C13orf42: variants seen among roughly 807,000 people sequenced by gnomAD.
C13orf42 encodes chromosome 13 open reading frame 42.
intron 1 of C13orf42, among the ~76,000 whole-genome samples, chr13:51,165,618 G>C (rs972386521): frequency 6.6e-6 from 1 of 152,192 alleles, no homozygotes; most frequent in Non-Finnish European, 1.5e-5. Flanking sequence ...CTTCTCCAGA[G>C]GGATGACCAG....
At chr13:51,101,351 G>C (rs1285884040) in intron 1 of C13orf42, among the ~76,000 whole-genome samples, 7 of 152,030 alleles carry the variant, frequency 4.6e-5, no homozygotes, top group Admixed American at 1.3e-4. Flanking sequence ...ATACTTTTCT[G>C]TGTGTTATGA....
At chr13:51,115,581 C>A (rs1953482763), upstream of C13orf42, among the ~76,000 whole-genome samples, 1 of 152,186 alleles carries the variant, frequency 6.6e-6, no homozygotes, top group Non-Finnish European at 1.5e-5. Flanking sequence ...ACCTTGGTCC[C>A]TAATTGCACA....
At chr13:51,162,745 T>C (rs537782463) in intron 1 of C13orf42, among the ~76,000 whole-genome samples, 1 of 152,326 alleles carries the variant, frequency 6.6e-6, no homozygotes, top group African/African-American at 2.4e-5. Flanking sequence ...CGAGGCTCAA[T>C]GCGATATTTG....
At chr13:51,146,994 C>T (rs1394903505) in intron 1 of C13orf42, among the ~76,000 whole-genome samples, 4 of 152,210 alleles carry the variant, frequency 2.6e-5, no homozygotes, top group East Asian at 1.9e-4. Context: ...CACAGTACTT[C>T]CCTAGGCTTC....
At chr13:51,158,287 G>A (rs1317723691) in intron 1 of C13orf42, among the ~76,000 whole-genome samples, 1 of 152,208 alleles carries the variant, frequency 6.6e-6, no homozygotes, top group African/African-American at 2.4e-5. Context: ...CAGAACTCTG[G>A]CTTTGACAAT....
chr13:51,154,638 GTATTGACAT>G (rs1432850963), intron 1 of C13orf42, among the ~76,000 whole-genome samples: 1 of 152,218 alleles, frequency 6.6e-6, no homozygotes, highest in Non-Finnish European at 1.5e-5. Context: ...GAAGCAGCAT[GTATTGACAT>G]TCATGGCTGT....
Position 51,088,057 on chromosome 13 carries a change from A to G in C13orf42, c.433T>C (p.Tyr145His). 1 of 398,804 alleles carries G rather than the reference A, an allele frequency of 2.5e-6. No homozygotes were observed. The highest frequency in any genetic ancestry group is 4.4e-6 in the Non-Finnish European group (1 of 226,180). 24.7% of individuals were successfully genotyped at this position (398,804 alleles called of 1,614,324 possible). The change falls in exon 2 of 4, where the codon TAC becomes CAC. Residue 145 changes from tyrosine to histidine, a missense_variant. Tyr to His is a moderately conservative substitution (Grantham distance 83, BLOSUM62 2). Transcript: ENST00000563710. ...GCCACATCAGCACTGAACTGCGAGT[A>G]TTTCTTTGGGGTTGCTTTCTGCAAG... is the stretch of plus-strand genomic sequence containing the variant. ...KEIKKATPKK[Y>H]SQFSADVAEA... is the part of the protein sequence containing the mutation.
At chr13:51,157,211 A>G (rs537264135) in intron 1 of C13orf42, among the ~76,000 whole-genome samples, 1 of 152,230 alleles carries the variant, frequency 6.6e-6, no homozygotes, top group South Asian at 2.1e-4. Context: ...AGGCGGACGG[A>G]TCGTTTGAGG....
chr13:51,097,503 C>A (rs1256448361), intron 1 of C13orf42, among the ~76,000 whole-genome samples: 3 of 152,182 alleles, frequency 2.0e-5, no homozygotes, highest in Non-Finnish European at 4.4e-5. Flanking sequence ...CTGGATTGAA[C>A]TCATGCTGAG....
chr13:51,105,360 C>T (rs1953341587), intron 1 of C13orf42, among the ~76,000 whole-genome samples: 1 of 152,216 alleles, frequency 6.6e-6, no homozygotes, highest in Non-Finnish European at 1.5e-5. Flanking sequence ...TTGTCTTCTT[C>T]ACCAGCATCT....
intron 1 of C13orf42, among the ~76,000 whole-genome samples, chr13:51,118,488 T>C (rs1953509296): frequency 6.6e-6 from 1 of 152,184 alleles, no homozygotes; most frequent in African/African-American, 2.4e-5. Flanking sequence ...AGGCATTTGC[T>C]GTTGGATTAG....
chr13:51,170,693 CCTCT>C (rs2138057104), intron 1 of C13orf42, among the ~76,000 whole-genome samples: 1 of 152,286 alleles, frequency 6.6e-6, no homozygotes, highest in Admixed American at 6.5e-5. Flanking sequence ...TGCAGGGACA[CCTCT>C]CTGATTATAC....
intron 1 of C13orf42, among the ~76,000 whole-genome samples, chr13:51,094,159 A>G (rs1953209395): frequency 6.6e-6 from 1 of 152,168 alleles, no homozygotes; most frequent in Non-Finnish European, 1.5e-5. Context: ...ACAAATGCCC[A>G]ATATTCATCT....
intron 1 of C13orf42, among the ~76,000 whole-genome samples, chr13:51,138,482 T>C (rs1380485755): frequency 6.6e-6 from 1 of 151,198 alleles, no homozygotes; most frequent in African/African-American, 2.4e-5. Context: ...ATGTCACTCA[T>C]CATCAGAAAA....
At chr13:51,169,409 A>T (rs191830027) in intron 1 of C13orf42, among the ~76,000 whole-genome samples, 17 of 148,180 alleles carry the variant, frequency 1.1e-4, no homozygotes, top group Non-Finnish European at 2.1e-4. Context: ...TAGCCCAGCT[A>T]TGTGGTAGAA....
intron 1 of C13orf42, among the ~76,000 whole-genome samples, chr13:51,137,712 GATTACAAAA>G (rs1953668325): frequency 6.6e-6 from 1 of 151,916 alleles, no homozygotes. Flanking sequence ...ACTTTTATCT[GATTACAAAA>G]CTAGTATGTA....
chr13:51,126,261 G>A (rs1953576104), intron 1 of C13orf42, among the ~76,000 whole-genome samples: 1 of 152,154 alleles, frequency 6.6e-6, no homozygotes, highest in African/African-American at 2.4e-5. Context: ...ATGAACAGCA[G>A]TGCCAATGAA....
rs148371187 is a variant in C13orf42, at chr13:51,150,362, T to C, written n.136+21891A>G. Among the ~76,000 whole-genome samples the C allele has an allele frequency of 5.2e-3, 791 of 152,316 alleles. 8 individuals carry two copies. Among genetic ancestry groups the C allele is most frequent in the African/African-American group, 0.018 (757 of 41,574 alleles). ...CTACTGGGGCGACTGGGGGAATCAA[T>C]ACTGGGCTTTATTCTTATTATATAC... is the stretch of plus-strand genomic sequence containing the variant. On this transcript the variant is annotated intron_variant and non_coding_transcript_variant, in intron 1 of 4. Coordinates refer to the C13orf42 transcript ENST00000433280.
chr13:51,172,001 C>A (rs1046749861), intron 1 of C13orf42: 6 of 152,226 alleles, frequency 3.9e-5, no homozygotes, highest in South Asian at 2.1e-4. Context: ...CAAGGTGTAC[C>A]ATAATAGAAA....
Sources: gnomAD v4.1 joint callset for allele counts (sites outside exome capture counted in the v4.1 genomes callset) on GRCh38, gnomAD v4.1.1 for gene constraint, MANE v1.5 for transcripts, NCBI Gene and HGNC (gene_info 2026-07-23, HGNC 2026-07-21) for gene names.